Variants in IGF2R observed in about 807,000 individuals in gnomAD.
IGF2R encodes the protein insulin like growth factor 2 receptor.
IGF2R carries 91 observed loss-of-function variants against 270.6 expected under a neutral mutation model. The observed-to-expected ratio is 0.34, with a 90% CI of 0.28 to 0.40. The LOEUF is 0.40. Ranked by LOEUF, IGF2R falls within the 10% of genes least tolerant of loss-of-function variation. The pLI is 1.00. For missense variants in IGF2R, 2,805 were observed against 3,188.3 expected (o/e 0.88, Z 2.90); for synonymous variants, 1,316 against 1,258.9 (o/e 1.05, Z -0.96).
At chr6:160,062,745 G>C in intron 26 of IGF2R, 126 bp downstream of exon 26, 1 of 612,642 alleles carries the variant, frequency 1.6e-6, no homozygotes, top group South Asian at 2.3e-5. Flanking sequence ...CACGCTAGGG[G>C]GAGGATAATT....
chr6:160,010,886 G>A (rs1174390900), intron 4 of IGF2R, 101 bp downstream of exon 4: 2 of 676,050 alleles, frequency 3.0e-6, no homozygotes, highest in African/African-American at 1.8e-5. Context: ...ATCTTTTTTA[G>A]CTTCCAAATT....
intron 25 of IGF2R, 24 bp downstream of exon 25, chr6:160,061,952 G>A (rs1778449177): frequency 6.2e-7 from 1 of 1,607,838 alleles, no homozygotes; most frequent in Non-Finnish European, 8.5e-7. Context: ...CCAGCAATGA[G>A]ATGTTGTCCC....
At chr6:160,090,347 T>G in intron 44 of IGF2R, 1 of 293,676 alleles carries the variant, frequency 3.4e-6, no homozygotes, top group Non-Finnish European at 6.3e-6. Context: ...AACTAAAACC[T>G]GGTCTGATCC....
chr6:160,001,675 G>A (rs1784131893), intron 2 of IGF2R, among the ~76,000 whole-genome samples: 1 of 151,910 alleles, frequency 6.6e-6, no homozygotes, highest in African/African-American at 2.4e-5. Context: ...TTAAATTGAG[G>A]AATCATACAT....
At chr6:160,005,427 T>G (rs8191722) in intron 2 of IGF2R, 25,690 of 152,052 alleles carry the variant, frequency 0.17, 2,651 homozygotes, top group East Asian at 0.45. Context: ...CTCTCGCCGG[T>G]GTCGCCCTTG....
chr6:160,079,475 T>G, intron 37 of IGF2R, 105 bp from the exon 38 acceptor site: 2 of 772,598 alleles, frequency 2.6e-6, no homozygotes, highest in Non-Finnish European at 3.7e-6. Flanking sequence ...TCTTTGCTCT[T>G]CCTCATGAAC....
chr6:159,991,360 A>G (rs772140759), intron 2 of IGF2R, 37 bp downstream of exon 2: 7 of 1,591,000 alleles, frequency 4.4e-6, no homozygotes, highest in Non-Finnish European at 6.0e-6. Flanking sequence ...GATTGGCAAT[A>G]TGATTCCCCA....
chr6:160,052,308 A>G (rs1163737334), intron 19 of IGF2R, among the ~76,000 whole-genome samples: 1 of 152,226 alleles, frequency 6.6e-6, no homozygotes, highest in African/African-American at 2.4e-5. Flanking sequence ...AAGAGAGCCA[A>G]ATCATGAGTG....
intron 19 of IGF2R, among the ~76,000 whole-genome samples, chr6:160,054,403 C>T (rs754565560): frequency 2.0e-5 from 3 of 152,190 alleles, no homozygotes; most frequent in Non-Finnish European, 2.9e-5. Context: ...TGTGTGCAGC[C>T]TCCTTAGAAG....
chr6:160,073,584 G>A (rs1778792101), intron 34 of IGF2R, 115 bp downstream of exon 34: 1 of 1,263,042 alleles, frequency 7.9e-7, no homozygotes, highest in African/African-American at 1.5e-5. Flanking sequence ...GTCCACTCCT[G>A]ATCACCCCAA....
In IGF2R at chr6:160,089,204, A is replaced by G; in HGVS notation, c.6418A>G (p.Thr2140Ala). The change falls in exon 43 of 48, where the codon ACC (threonine) becomes GCC (alanine). Residue 2140 changes from threonine to alanine, a missense_variant. By Grantham distance (58) the Thr-to-Ala change is moderately conservative (BLOSUM62 0). Around this residue, in one of 2 missense-constraint regions of IGF2R, gnomAD observed 1,851 missense variants for 2,207.2 expected, o/e 0.84. Coordinates refer to ENST00000356956, the MANE Select transcript of IGF2R (RefSeq NM_000876.4). ...QEVQMVNGTITNPINGKSFSL... is the reference protein window; with the variant it reads ...QEVQMVNGTIANPINGKSFSL... ...GGTGCAGATGGTGAATGGGACCATCACCAACCCTATAAATGGCAAGAGCTT... is the reference window on the plus strand; with the variant it reads ...GGTGCAGATGGTGAATGGGACCATCGCCAACCCTATAAATGGCAAGAGCTT... 1 of 1,613,582 alleles carries G rather than the reference A, an allele frequency of 6.2e-7. No individual in the cohort carries two copies. Among genetic ancestry groups the G allele is most frequent in the East Asian group, 2.2e-5 (1 of 44,868 alleles).
At chr6:159,971,681 C>T (rs1783611286) in intron 1 of IGF2R, among the ~76,000 whole-genome samples, 1 of 152,152 alleles carries the variant, frequency 6.6e-6, no homozygotes, top group African/African-American at 2.4e-5. Flanking sequence ...AGGGTCTCAC[C>T]GCGTTGCCCA....
chr6:160,027,006 A>G (rs1777574904), intron 5 of IGF2R, among the ~76,000 whole-genome samples, 179 bp from the exon 6 acceptor site: 1 of 152,214 alleles, frequency 6.6e-6, no homozygotes, highest in Non-Finnish European at 1.5e-5. Context: ...AGTACTTTAC[A>G]GTCCTTCATC....
intron 1 of IGF2R, among the ~76,000 whole-genome samples, chr6:159,988,736 A>G (rs533826879): frequency 1.3e-5 from 2 of 151,998 alleles, no homozygotes; most frequent in South Asian, 4.2e-4. Context: ...AGAGATTAGC[A>G]TTTTTCCTGA....
intron 39 of IGF2R, among the ~76,000 whole-genome samples, chr6:160,081,341 C>T (rs1165223363): frequency 6.6e-6 from 1 of 151,952 alleles, no homozygotes; most frequent in Non-Finnish European, 1.5e-5. Context: ...AGCCGCAAAA[C>T]CAGCAAGTTT....
Position 160,084,944 on chromosome 6 carries a change from C to T in IGF2R, c.6069-51C>T, listed in dbSNP as rs754876802. ...AGTGAAGAGCCCTCCTGTGTCAGGG[C>T]AGAGACGTCACTTGCATGCCTTTTA... is the stretch of plus-strand genomic sequence containing the variant. On this transcript the variant is annotated intron_variant, in intron 40 of 47. Coordinates refer to ENST00000356956, the MANE Select transcript of IGF2R (RefSeq NM_000876.4). The surrounding 1 kb of genome is among the most constrained non-coding windows in gnomAD (Gnocchi z 4.6). 1 of 1,581,066 alleles carries T rather than the reference C, an allele frequency of 6.3e-7. No individual in the cohort carries two copies. Among genetic ancestry groups the T allele is most frequent in the South Asian group, 1.1e-5 (1 of 89,046 alleles).
At chr6:159,996,707 A>G (rs1357683630) in intron 2 of IGF2R, among the ~76,000 whole-genome samples, 1 of 152,162 alleles carries the variant, frequency 6.6e-6, no homozygotes, top group African/African-American at 2.4e-5. Flanking sequence ...CAGTGTAGTG[A>G]GTGCTACGAG....
chr6:159,994,436 G>GA (rs906530534), intron 2 of IGF2R, among the ~76,000 whole-genome samples: 11 of 151,058 alleles, frequency 7.3e-5, no homozygotes, highest in African/African-American at 2.7e-4. Flanking sequence ...TTTGGGGGGG[G>GA]TCTCAATTTC....
chr6:160,039,738 C>T (rs185447151), intron 10 of IGF2R, among the ~76,000 whole-genome samples: 76 of 152,164 alleles, frequency 5.0e-4, no homozygotes, highest in Middle Eastern at 6.8e-3. Context: ...GCCCACGGAC[C>T]CCTAGCCTGG....
Sources: gnomAD v4.1 joint callset for allele counts (sites outside exome capture counted in the v4.1 genomes callset) on GRCh38, gnomAD v4.1.1 for gene constraint, gnomAD v4.1.1 regional missense constraint, Gnocchi (gnomAD v3.1) non-coding constraint, MANE v1.5 for transcripts, NCBI Gene and HGNC (gene_info 2026-07-23, HGNC 2026-07-21) for gene names.